Variants in RANBP2 observed in about 807,000 individuals in gnomAD.
RANBP2 encodes the protein RAN binding protein 2.
In RANBP2, 57 loss-of-function variants were observed where a neutral mutation model predicts 303.6. That is an observed-to-expected ratio of 0.19 (90% CI 0.15 to 0.23). The LOEUF is 0.23. Ranked by LOEUF, RANBP2 falls within the 10% of genes least tolerant of loss-of-function variation. The probability of loss-of-function intolerance (pLI) is 1.00; values close to 1 mark genes in which losing one functional copy is unlikely to be tolerated. For missense variants in RANBP2, 3,138 were observed against 3,780.8 expected, an observed-to-expected ratio of 0.83 and a Z score of 4.46; for synonymous variants, 1,167 against 1,301.5, an observed-to-expected ratio of 0.90 and a Z score of 2.23.
chr2:108,746,337 C>T (rs1273660999), intron 7 of RANBP2, among the ~76,000 whole-genome samples: 1 of 151,396 alleles, frequency 6.6e-6, no homozygotes. Flanking sequence ...CTCAGCCTTC[C>T]ATGTAGCTGG....
At chr2:108,750,725 CT>C (rs1450401607) in intron 9 of RANBP2, among the ~76,000 whole-genome samples, 1 of 152,004 alleles carries the variant, frequency 6.6e-6, no homozygotes, top group Non-Finnish European at 1.5e-5. Context: ...GTAGCTGGGA[CT>C]ATAGGCACGT....
chr2:109,504,161 A>G, the RANBP2 span: 1 of 152,260 alleles, frequency 6.6e-6, no homozygotes, highest in Non-Finnish European at 1.5e-5. Flanking sequence ...TCTTCAGGCC[A>G]TCTTGCCTCA....
chr2:109,425,700 A>AAG, the RANBP2 span, among the ~76,000 whole-genome samples: 1 of 151,776 alleles, frequency 6.6e-6, no homozygotes, highest in South Asian at 2.1e-4. Context: ...ACTGCTCAGA[A>AAG]AAAAAAGATT....
chr2:109,612,264 A>C, the RANBP2 span, among the ~76,000 whole-genome samples: 25 of 152,330 alleles, frequency 1.6e-4, no homozygotes, highest in African/African-American at 6.0e-4. Context: ...CAAAATTATA[A>C]GAATAAAAAC....
the RANBP2 span, among the ~76,000 whole-genome samples, chr2:109,244,044 A>G: frequency 4.6e-5 from 7 of 152,174 alleles, no homozygotes; most frequent in Non-Finnish European, 1.0e-4. Context: ...TGAGATGGGT[A>G]ATTGTAGCGA....
At chr2:109,193,173 G>C in the RANBP2 span, among the ~76,000 whole-genome samples, 1 of 152,226 alleles carries the variant, frequency 6.6e-6, no homozygotes, top group Non-Finnish European at 1.5e-5. Context: ...CACATTTTAA[G>C]AGAACTGGAA....
At chr2:109,269,140 G>A in the RANBP2 span, among the ~76,000 whole-genome samples, 4 of 152,194 alleles carry the variant, frequency 2.6e-5, no homozygotes, top group Non-Finnish European at 5.9e-5. Flanking sequence ...TGGAAGCGTG[G>A]GCATCATAGG....
chr2:108,797,807 A>G, the RANBP2 span, among the ~76,000 whole-genome samples: 13 of 152,180 alleles, frequency 8.5e-5, no homozygotes, highest in African/African-American at 3.1e-4. Context: ...TGTATTCCAA[A>G]TTAGTAGAAT....
At chr2:109,434,988 T>A in the RANBP2 span, among the ~76,000 whole-genome samples, 1 of 152,118 alleles carries the variant, frequency 6.6e-6, no homozygotes, top group Non-Finnish European at 1.5e-5. Context: ...CCCGGTCCCC[T>A]CCCTCTACCT....
chr2:109,549,148 C>G, the RANBP2 span, among the ~76,000 whole-genome samples: 1 of 152,110 alleles, frequency 6.6e-6, no homozygotes, highest in Non-Finnish European at 1.5e-5. Flanking sequence ...TCATTCAAAT[C>G]GGTGGCACAA....
chr2:109,364,244 T>C, the RANBP2 span, among the ~76,000 whole-genome samples: 1 of 152,158 alleles, frequency 6.6e-6, no homozygotes, highest in Non-Finnish European at 1.5e-5. Context: ...CAGAGAGTCT[T>C]TCCTCAACTG....
At chr2:108,948,376 C>A in the RANBP2 span, among the ~76,000 whole-genome samples, 1 of 152,358 alleles carries the variant, frequency 6.6e-6, no homozygotes, top group Middle Eastern at 3.4e-3. Flanking sequence ...GTCTGTTACT[C>A]AGTTCCAAAG....
At chr2:109,319,549 C>T in the RANBP2 span, among the ~76,000 whole-genome samples, 9 of 152,222 alleles carry the variant, frequency 5.9e-5, no homozygotes, top group African/African-American at 2.2e-4. Context: ...TGAGAGGGGG[C>T]TCACAGGGCT....
the RANBP2 span, among the ~76,000 whole-genome samples, chr2:109,155,772 A>G: frequency 6.6e-6 from 1 of 152,242 alleles, no homozygotes; most frequent in African/African-American, 2.4e-5. Flanking sequence ...TGTTGATCAT[A>G]GCACACGTGC....
At chr2:109,281,782 C>T in the RANBP2 span, among the ~76,000 whole-genome samples, 3 of 152,124 alleles carry the variant, frequency 2.0e-5, no homozygotes, top group Non-Finnish European at 4.4e-5. Flanking sequence ...CACAGAGGTT[C>T]TGTGCCAATG....
At chr2:109,139,482 T>G in the RANBP2 span, among the ~76,000 whole-genome samples, 1 of 152,224 alleles carries the variant, frequency 6.6e-6, no homozygotes, top group African/African-American at 2.4e-5. Context: ...GGCATCCCCC[T>G]TGTGCCTTCT....
At chr2:108,859,423 T>TG in the RANBP2 span, among the ~76,000 whole-genome samples, 1 of 152,200 alleles carries the variant, frequency 6.6e-6, no homozygotes, top group Non-Finnish European at 1.5e-5. Flanking sequence ...GTTGTCAATT[T>TG]TTATTTTTAT....
the RANBP2 span, among the ~76,000 whole-genome samples, chr2:108,933,817 G>A: frequency 6.6e-6 from 1 of 152,008 alleles, no homozygotes; most frequent in Non-Finnish European, 1.5e-5. Flanking sequence ...TCAGGTGGGG[G>A]AGGGTTGGGT....
At chr2:109,189,367 C>CTTTT in the RANBP2 span, among the ~76,000 whole-genome samples, 6 of 147,968 alleles carry the variant, frequency 4.1e-5, no homozygotes, top group Non-Finnish European at 4.5e-5. Context: ...AGTCGTTTGA[C>CTTTT]TTTTTTTTTT....
Sources: allele counts gnomAD v4.1 joint callset (sites outside exome capture counted in the v4.1 genomes callset), GRCh38; gene constraint gnomAD v4.1.1; transcripts MANE v1.5; gene names NCBI Gene and HGNC (gene_info 2026-07-23, HGNC 2026-07-21).